Variants in UBE2E3 observed in about 807,000 individuals in gnomAD.
UBE2E3 encodes the protein ubiquitin conjugating enzyme E2 E3.
Under a neutral mutation model 23.6 loss-of-function variants are expected in UBE2E3, and 5 were observed. That is an observed-to-expected ratio of 0.21 (90% CI 0.11 to 0.44). The LOEUF is 0.44. Among genes scored for constraint, UBE2E3 ranks in the 20% least tolerant of loss-of-function variants. UBE2E3 has a pLI of 0.99. For synonymous variants in UBE2E3, 78 were observed against 87.5 expected (o/e 0.89, Z 0.60); for missense variants, 81 against 249.8 (o/e 0.32, Z 4.55).
At chr2:181,021,652 CT>C in intron 3 of UBE2E3, among the ~76,000 whole-genome samples, 1 of 133,562 alleles carries the variant, frequency 7.5e-6, no homozygotes, top group Admixed American at 7.9e-5. Context: ...TCCTTCCTTC[CT>C]TCCTTCCTTC....
chr2:181,047,569 A>G (rs530310580), intron 3 of UBE2E3, among the ~76,000 whole-genome samples: 67 of 152,014 alleles, frequency 4.4e-4, no homozygotes, highest in African/African-American at 1.6e-3. Flanking sequence ...ACTATAAGCT[A>G]TTCTCGAAAC....
intron 3 of UBE2E3, among the ~76,000 whole-genome samples, chr2:181,036,056 G>A (rs1686268573): frequency 6.6e-6 from 1 of 152,168 alleles, no homozygotes; most frequent in South Asian, 2.1e-4. Context: ...TATTGAAATG[G>A]ACAGAATGAA....
At position 180,981,998 on chromosome 2, in the gene UBE2E3, T is replaced by C. The variant is rs1684310036; in HGVS notation, c.-25-20T>C. Reference sequence around the variant, plus strand: ...TAGATTTAACATTTTCTCCTCCTCCTCCCCTGTTCTCTTTAAAAGTTTTCC... The same window carrying C: ...TAGATTTAACATTTTCTCCTCCTCCCCCCCTGTTCTCTTTAAAAGTTTTCC... On this transcript the variant is annotated intron_variant, in intron 1 of 5. Transcript: ENST00000410062. The C allele has an allele frequency of 6.6e-7, 1 of 1,520,778 alleles. No homozygotes were observed. Among genetic ancestry groups the C allele is most frequent in the Non-Finnish European group, 8.9e-7 (1 of 1,120,270 alleles). 94.2% of individuals were successfully genotyped at this position (1,520,778 alleles called of 1,614,324 possible).
chr2:181,043,383 T>C (rs1166540427), intron 3 of UBE2E3, among the ~76,000 whole-genome samples: 2 of 152,206 alleles, frequency 1.3e-5, no homozygotes, highest in Non-Finnish European at 2.9e-5. Context: ...GATGGCTTAG[T>C]GTGTTCAAAT....
At chr2:181,008,596 A>G (rs1353248167) in intron 3 of UBE2E3, among the ~76,000 whole-genome samples, 1 of 152,210 alleles carries the variant, frequency 6.6e-6, no homozygotes, top group Non-Finnish European at 1.5e-5. Flanking sequence ...TGCTCAGGGC[A>G]GCATTAGGGG....
At chr2:181,021,102 A>T (rs1685655252) in intron 3 of UBE2E3, among the ~76,000 whole-genome samples, 1 of 152,216 alleles carries the variant, frequency 6.6e-6, no homozygotes, top group Non-Finnish European at 1.5e-5. Flanking sequence ...GGTTTACAGA[A>T]ATAGGATAAT....
At chr2:181,044,615 TTGTGAC>T (rs1686614988) in intron 3 of UBE2E3, among the ~76,000 whole-genome samples, 1 of 152,186 alleles carries the variant, frequency 6.6e-6, no homozygotes, top group Non-Finnish European at 1.5e-5. Context: ...ATTTCAAGAT[TTGTGAC>T]ATAATTCCAC....
chr2:181,015,074 G>A (rs542945807), intron 3 of UBE2E3, among the ~76,000 whole-genome samples: 12 of 152,212 alleles, frequency 7.9e-5, no homozygotes, highest in African/African-American at 2.9e-4. Context: ...GAAGTACAGA[G>A]TTGTTTTTTT....
upstream of UBE2E3, chr2:180,980,516 C>T (rs1242360824): frequency 6.7e-6 from 1 of 148,218 alleles, no homozygotes; most frequent in Non-Finnish European, 1.5e-5. The surrounding 1 kb of genome is among the most constrained non-coding windows in gnomAD (Gnocchi z 5.5). Context: ...TCGCGCCCGC[C>T]GGGCGTCGGC....
intron 3 of UBE2E3, chr2:180,987,298 G>T (rs1313015422): frequency 2.1e-5 from 33 of 1,545,572 alleles, no homozygotes; most frequent in Non-Finnish European, 2.7e-5. Flanking sequence ...ATTGTTTAGT[G>T]ATGTGTTATT....
chr2:181,011,701 T>G (rs1286777594), intron 3 of UBE2E3, among the ~76,000 whole-genome samples: 1 of 152,202 alleles, frequency 6.6e-6, no homozygotes. Context: ...TTGTGTGAGC[T>G]GTAACAATTT....
At chr2:181,047,047 G>C (rs1480398875) in intron 3 of UBE2E3, among the ~76,000 whole-genome samples, 1 of 152,140 alleles carries the variant, frequency 6.6e-6, no homozygotes, top group Non-Finnish European at 1.5e-5. Flanking sequence ...TTTACAGAAA[G>C]AGTTAGTTCA....
chr2:181,007,412 T>C (rs1306798391), intron 3 of UBE2E3, among the ~76,000 whole-genome samples: 4 of 152,208 alleles, frequency 2.6e-5, no homozygotes, highest in Admixed American at 2.0e-4. Flanking sequence ...GTGAGTACTT[T>C]CATCATTTTA....
At chr2:181,039,348 A>G (rs528617641) in intron 3 of UBE2E3, among the ~76,000 whole-genome samples, 148 of 152,242 alleles carry the variant, frequency 9.7e-4, no homozygotes, top group African/African-American at 3.4e-3. Context: ...ATAAATGGCT[A>G]CATTGAAAAT....
At chr2:180,999,569 A>G (rs767308821) in intron 3 of UBE2E3, among the ~76,000 whole-genome samples, 73 of 151,956 alleles carry the variant, frequency 4.8e-4, no homozygotes, top group Non-Finnish European at 9.3e-4. Flanking sequence ...GAGGGTTCCA[A>G]TTTGTCCACA....
At chr2:181,052,997 C>A (rs1396901466) in intron 3 of UBE2E3, among the ~76,000 whole-genome samples, 2 of 151,822 alleles carry the variant, frequency 1.3e-5, no homozygotes, top group Non-Finnish European at 2.9e-5. Context: ...CAATGCTGTT[C>A]CCTCTTAGTC....
At chr2:180,987,677 G>A (rs1328207554) in intron 3 of UBE2E3, among the ~76,000 whole-genome samples, 1 of 152,068 alleles carries the variant, frequency 6.6e-6, no homozygotes, top group East Asian at 1.9e-4. Context: ...AATCATAAAA[G>A]AAGCAGTTGT....
intron 3 of UBE2E3, among the ~76,000 whole-genome samples, chr2:180,994,930 G>A (rs1199922593): frequency 2.0e-5 from 3 of 152,120 alleles, no homozygotes; most frequent in Non-Finnish European, 2.9e-5. Flanking sequence ...GGAGTCAAGA[G>A]AATCGTTAAT....
At chr2:181,019,959 A>G (rs1036288916) in intron 3 of UBE2E3, among the ~76,000 whole-genome samples, 1 of 152,152 alleles carries the variant, frequency 6.6e-6, no homozygotes, top group Non-Finnish European at 1.5e-5. Context: ...TTCATCTTGC[A>G]TAGCTAGAAT....
Sources: allele counts gnomAD v4.1 joint callset (sites outside exome capture counted in the v4.1 genomes callset), GRCh38; gene constraint gnomAD v4.1.1; non-coding constraint Gnocchi (gnomAD v3.1); transcripts MANE v1.5; gene names NCBI Gene and HGNC (gene_info 2026-07-23, HGNC 2026-07-21).